GASK1B: variants seen among roughly 807,000 people sequenced by gnomAD.
The protein encoded by GASK1B is Golgi-associated kinase 1B.
GASK1B carries 34 observed loss-of-function variants against 42.8 expected under a neutral mutation model. The observed-to-expected ratio is 0.79, with a 90% CI of 0.60 to 1.06. GASK1B has a LOEUF of 1.06. Among genes scored for constraint, GASK1B ranks in the 50% least tolerant of loss-of-function variants. The pLI, the probability that GASK1B is intolerant of heterozygous loss-of-function variation, is 0.00. For missense variants in GASK1B, 686 were observed against 661.0 expected (o/e 1.04, Z -0.42); for synonymous variants, 262 against 259.1 (o/e 1.01, Z -0.11).
At chr4:158,151,129 A>G (rs550747376) in intron 3 of GASK1B, among the ~76,000 whole-genome samples, 1 of 152,370 alleles carries the variant, frequency 6.6e-6, no homozygotes, top group Non-Finnish European at 1.5e-5. Flanking sequence ...GCGAAGGGAA[A>G]GGGAGTAATC....
chr4:158,148,448 G>GAAAT (rs949036331), intron 3 of GASK1B, among the ~76,000 whole-genome samples: 1 of 152,246 alleles, frequency 6.6e-6, no homozygotes, highest in South Asian at 2.1e-4. Context: ...TGCACTGTGG[G>GAAAT]AAATAAATAA....
intron 2 of GASK1B, among the ~76,000 whole-genome samples, chr4:158,162,469 G>A (rs912623526): frequency 6.6e-6 from 1 of 152,140 alleles, no homozygotes; most frequent in African/African-American, 2.4e-5. Flanking sequence ...CTAAGGAATG[G>A]TCCATGGACC....
chr4:158,139,203 A>T (rs1285560230), intron 3 of GASK1B, among the ~76,000 whole-genome samples: 1 of 152,222 alleles, frequency 6.6e-6, no homozygotes, highest in African/African-American at 2.4e-5. Flanking sequence ...GAAAAGACAA[A>T]GTTCTTGCTT....
At chr4:158,172,445 G>A (rs922043485) in intron 1 of GASK1B, 1 of 152,200 alleles carries the variant, frequency 6.6e-6, no homozygotes, top group Non-Finnish European at 1.5e-5. Flanking sequence ...ATGGTCAAGA[G>A]TGTTCCACAT....
intron 3 of GASK1B, among the ~76,000 whole-genome samples, chr4:158,133,680 T>C (rs142930574): frequency 2.0e-5 from 3 of 152,318 alleles, no homozygotes; most frequent in African/African-American, 7.2e-5. Flanking sequence ...CATTAGATTG[T>C]TTGCTACAGT....
chr4:158,133,476 T>C (rs929720095), intron 3 of GASK1B, among the ~76,000 whole-genome samples: 3 of 152,210 alleles, frequency 2.0e-5, no homozygotes, highest in Non-Finnish European at 2.9e-5. Context: ...CTAAGATACA[T>C]AACTACATTT....
At chr4:158,156,730 A>T (rs1277282844) in intron 2 of GASK1B, among the ~76,000 whole-genome samples, 1 of 152,104 alleles carries the variant, frequency 6.6e-6, no homozygotes, top group Non-Finnish European at 1.5e-5. Flanking sequence ...GATGGTGTGG[A>T]GCAACTTTGC....
At chr4:158,145,463 A>AT (rs938517031) in intron 3 of GASK1B, among the ~76,000 whole-genome samples, 8 of 152,162 alleles carry the variant, frequency 5.3e-5, no homozygotes, top group Admixed American at 1.3e-4. Context: ...GGAACAGGAT[A>AT]TTTCTGTAAG....
At position 158,170,696 on chromosome 4, in the gene GASK1B, A is replaced by G. The variant is rs1485632083; in HGVS notation, c.680T>C (p.Leu227Ser). The change falls in exon 2 of 5, where the codon TTG (leucine) becomes TCG (serine). Residue 227 changes from leucine (L) to serine (S), a missense_variant. By Grantham distance (145) the Leu-to-Ser change is moderately radical. Transcript: ENST00000585682. ...SKDDIRRMRL[L>S]ADSAVAGLRP... The stretch of plus-strand genomic sequence containing the variant: ...GAGCCCTGCCACTGCGCTGTCCGCC[A>G]AGAGTCGCATTCTTCGGATGTCATC... 3 of 1,614,196 alleles carry G rather than the reference A, an allele frequency of 1.9e-6. No individual in the cohort carries two copies. Among genetic ancestry groups the G allele is most frequent in the Admixed American group, 1.7e-5 (1 of 60,030 alleles).
intron 2 of GASK1B, among the ~76,000 whole-genome samples, chr4:158,167,943 G>A (rs2111022263): frequency 6.6e-6 from 1 of 152,268 alleles, no homozygotes; most frequent in Non-Finnish European, 1.5e-5. Context: ...GATGGGTAGA[G>A]ATACTGAGAA....
chr4:158,171,368 C>T lies in GASK1B; in HGVS notation c.8G>A (p.Cys3Tyr), dbSNP rs1318889208. The part of the protein sequence containing the change: MT[C>Y]PDKPGQLINW... ...TATGAGCTGCCCCGGCTTGTCTGGA[C>T]AGGTCATTTCTCTGCCGCATCCACA... is the stretch of plus-strand genomic sequence containing the variant. The change falls in exon 2 of 5, where the codon TGT becomes TAT. Residue 3 changes from cysteine to tyrosine, a missense_variant. Physicochemically the swap from Cys to Tyr is radical, Grantham distance 194 (BLOSUM62 -2). Coordinates refer to ENST00000585682, the MANE Select transcript of GASK1B (RefSeq NM_001128424.2). 6.4e-7 allele frequency: 1 copy of T among 1,563,808 alleles called. No individual in the cohort carries two copies. The highest frequency in any genetic ancestry group is 1.2e-5 in the South Asian group (1 of 85,378).
intron 2 of GASK1B, among the ~76,000 whole-genome samples, chr4:158,161,261 C>T (rs555129704): frequency 6.6e-5 from 10 of 151,914 alleles, no homozygotes; most frequent in African/African-American, 2.4e-4. Flanking sequence ...TCACATTGTG[C>T]CCATAAACAT....
chr4:158,170,102 G>T, intron 2 of GASK1B: 1 of 788,752 alleles, frequency 1.3e-6, no homozygotes, highest in Non-Finnish European at 2.0e-6. Context: ...TTAATAGTAT[G>T]CCTGACTGTC....
chr4:158,145,776 G>A (rs1706980747), intron 3 of GASK1B, among the ~76,000 whole-genome samples: 1 of 152,152 alleles, frequency 6.6e-6, no homozygotes, highest in African/African-American at 2.4e-5. Context: ...AACCTACTCA[G>A]TGTCTGCAGC....
intron 2 of GASK1B, among the ~76,000 whole-genome samples, chr4:158,165,594 A>C (rs1222328646): frequency 6.6e-6 from 1 of 152,202 alleles, no homozygotes; most frequent in African/African-American, 2.4e-5. Context: ...TAGATTATTG[A>C]ATAGAAAAAA....
intron 2 of GASK1B, among the ~76,000 whole-genome samples, chr4:158,160,044 C>T (rs1395382427): frequency 1.3e-5 from 2 of 152,014 alleles, no homozygotes; most frequent in East Asian, 1.9e-4. Context: ...TTCTCTTGCA[C>T]GGGCCATGTT....
intron 3 of GASK1B, among the ~76,000 whole-genome samples, chr4:158,153,155 G>T (rs543851605): frequency 2.4e-4 from 36 of 152,066 alleles, no homozygotes; most frequent in African/African-American, 7.5e-4. Context: ...GTAAAGCTTC[G>T]GGATACAAAA....
chr4:158,169,975 G>T (rs935432667), intron 2 of GASK1B: 9 of 463,874 alleles, frequency 1.9e-5, no homozygotes, highest in East Asian at 3.5e-5. Flanking sequence ...AAAAAGGGGG[G>T]GTTAAACCTA....
chr4:158,171,510 A>C lies in GASK1B; in HGVS notation c.-135T>G. On this transcript the variant is annotated 5_prime_UTR_variant, in exon 2 of 5. Transcript: ENST00000585682. ...GTGGTCTCCAGTGGGCAGAGGTGGA[A>C]GGAAAGGGTTGGTGATGAAGCTGGG... 1 of 892,488 alleles carries C rather than the reference A, an allele frequency of 1.1e-6. No homozygotes were observed. The highest frequency in any genetic ancestry group is 1.6e-6 in the Non-Finnish European group (1 of 623,888). The allele number at this position is 892,488 out of a possible 1,614,324, so 55.3% of individuals were successfully genotyped here.
Sources: allele counts gnomAD v4.1 joint callset (sites outside exome capture counted in the v4.1 genomes callset), GRCh38; gene constraint gnomAD v4.1.1; transcripts MANE v1.5; gene names NCBI Gene and HGNC (gene_info 2026-07-23, HGNC 2026-07-21).